Variants in GALNT13 observed in about 807,000 individuals in gnomAD.
The protein encoded by GALNT13 is polypeptide N-acetylgalactosaminyltransferase 13, also known as UDP-GalNAc:polypeptide N-acetylgalactosaminyltransferase 13.
GALNT13 carries 28 observed loss-of-function variants against 64.2 expected under a neutral mutation model. The observed-to-expected ratio is 0.44, with a 90% CI of 0.32 to 0.60. The LOEUF is 0.60. GALNT13 is among the 20% of genes least tolerant of loss of function. The pLI, the probability that GALNT13 is intolerant of heterozygous loss-of-function variation, is 0.05. For missense variants in GALNT13, 577 were observed against 669.8 expected (o/e 0.86, Z 1.53); for synonymous variants, 214 against 224.6 (o/e 0.95, Z 0.42).
the GALNT13 span, among the ~76,000 whole-genome samples, chr2:153,310,699 G>C: frequency 6.6e-6 from 1 of 152,054 alleles, no homozygotes; most frequent in Non-Finnish European, 1.5e-5. Context: ...TAGGCTATTA[G>C]CAATATAGCC....
the GALNT13 span, among the ~76,000 whole-genome samples, chr2:153,427,786 C>T: frequency 1.3e-5 from 2 of 152,012 alleles, no homozygotes; most frequent in African/African-American, 4.8e-5. Context: ...ATCTTGCTTT[C>T]CTTTTCTCTA....
the GALNT13 span, among the ~76,000 whole-genome samples, chr2:153,792,381 CTATT>C: frequency 6.6e-6 from 1 of 151,870 alleles, no homozygotes; most frequent in African/African-American, 2.4e-5. Context: ...AATCTAGAGG[CTATT>C]TAAAGTATAC....
At chr2:153,350,215 G>A in the GALNT13 span, among the ~76,000 whole-genome samples, 8 of 152,186 alleles carry the variant, frequency 5.3e-5, no homozygotes, top group South Asian at 8.3e-4. Context: ...TGGAAAGGAT[G>A]ATCAAAATTA....
chr2:153,533,912 C>G, the GALNT13 span, among the ~76,000 whole-genome samples: 3 of 149,852 alleles, frequency 2.0e-5, no homozygotes, highest in Non-Finnish European at 3.0e-5. Context: ...TTTTTTATTT[C>G]TTTTTCTGGA....
At chr2:153,730,067 T>C in the GALNT13 span, among the ~76,000 whole-genome samples, 1 of 152,002 alleles carries the variant, frequency 6.6e-6, no homozygotes, top group African/African-American at 2.4e-5. Flanking sequence ...AATGTCATTT[T>C]TCCCATGATT....
intron 9 of GALNT13, among the ~76,000 whole-genome samples, chr2:154,386,035 T>C (rs1051181989): frequency 2.0e-5 from 3 of 152,064 alleles, no homozygotes; most frequent in Non-Finnish European, 2.9e-5. Flanking sequence ...AAAATGCTGG[T>C]ACAATAACAA....
At chr2:153,990,108 A>T (rs1197391391) in intron 3 of GALNT13, among the ~76,000 whole-genome samples, 1 of 152,100 alleles carries the variant, frequency 6.6e-6, no homozygotes, top group Non-Finnish European at 1.5e-5. Context: ...GTATTCTTTC[A>T]TTTAATCTTT....
chr2:153,939,938 A>G (rs139063160), intron 2 of GALNT13, among the ~76,000 whole-genome samples: 1 of 152,214 alleles, frequency 6.6e-6, no homozygotes, highest in Admixed American at 6.5e-5. Flanking sequence ...TGAAACCCAG[A>G]CTCAAATCAT....
At chr2:153,616,947 A>G in the GALNT13 span, among the ~76,000 whole-genome samples, 1 of 151,986 alleles carries the variant, frequency 6.6e-6, no homozygotes. Context: ...CAGATATATA[A>G]AGCAAATATC....
chr2:153,528,523 G>C, the GALNT13 span, among the ~76,000 whole-genome samples: 3 of 151,886 alleles, frequency 2.0e-5, no homozygotes, highest in African/African-American at 7.2e-5. Context: ...CTTTGAGACA[G>C]AAAATCAAAG....
chr2:154,107,155 A>G (rs1702665163), intron 3 of GALNT13, among the ~76,000 whole-genome samples: 1 of 152,214 alleles, frequency 6.6e-6, no homozygotes. Flanking sequence ...AGCAGATGGT[A>G]ACACCATGTA....
At chr2:153,880,375 T>G (rs1198168990) in intron 1 of GALNT13, among the ~76,000 whole-genome samples, 2 of 152,198 alleles carry the variant, frequency 1.3e-5, no homozygotes, top group African/African-American at 4.8e-5. Context: ...TGGTGTTTTT[T>G]AAAATGAATT....
chr2:154,323,642 T>C (rs1694736286), intron 9 of GALNT13, among the ~76,000 whole-genome samples: 1 of 152,116 alleles, frequency 6.6e-6, no homozygotes. Flanking sequence ...TAAGTGTGCA[T>C]CTTTGTGTTG....
the GALNT13 span, among the ~76,000 whole-genome samples, chr2:153,181,758 G>T: frequency 7.1e-6 from 1 of 141,644 alleles, no homozygotes; most frequent in African/African-American, 2.6e-5. Flanking sequence ...ATATTTATAT[G>T]TATATAATAC....
At chr2:154,281,064 A>G (rs1691937489) in intron 8 of GALNT13, among the ~76,000 whole-genome samples, 1 of 152,222 alleles carries the variant, frequency 6.6e-6, no homozygotes, top group African/African-American at 2.4e-5. Flanking sequence ...AGGATGTATT[A>G]TACCTTAACA....
At chr2:153,294,503 A>G in the GALNT13 span, among the ~76,000 whole-genome samples, 1 of 152,216 alleles carries the variant, frequency 6.6e-6, no homozygotes, top group African/African-American at 2.4e-5. Flanking sequence ...TGATATTTTG[A>G]ATTTTGCATC....
chr2:154,079,348 A>T (rs1184009732), intron 3 of GALNT13, among the ~76,000 whole-genome samples: 3 of 151,690 alleles, frequency 2.0e-5, no homozygotes, highest in Non-Finnish European at 4.4e-5. Flanking sequence ...AACTGGAAAA[A>T]GCTGGCCTTT....
At chr2:154,219,950 AATAAGGACAC>A (rs1688239700) in intron 4 of GALNT13, among the ~76,000 whole-genome samples, 1 of 152,122 alleles carries the variant, frequency 6.6e-6, no homozygotes, top group Non-Finnish European at 1.5e-5. Flanking sequence ...GTAAATGAAG[AATAAGGACAC>A]ATATCATATA....
the GALNT13 span, among the ~76,000 whole-genome samples, chr2:153,275,925 A>G: frequency 6.6e-6 from 1 of 152,202 alleles, no homozygotes; most frequent in Non-Finnish European, 1.5e-5. Context: ...GAGTTTAGGA[A>G]AGTACCAATT....
Sources: gnomAD v4.1 joint callset for allele counts (sites outside exome capture counted in the v4.1 genomes callset) on GRCh38, gnomAD v4.1.1 for gene constraint, MANE v1.5 for transcripts, NCBI Gene and HGNC (gene_info 2026-07-23, HGNC 2026-07-21) for gene names.